The following LARGE1 variants were observed in gnomAD, a reference collection of about 807,000 sequenced individuals.
LARGE1 encodes the protein LARGE xylosyl- and glucuronyltransferase 1, also known as xylosyl- and glucuronyltransferase LARGE1.
LARGE1 carries 43 observed loss-of-function variants against 87.6 expected under a neutral mutation model. The observed-to-expected ratio is 0.49, with a 90% CI of 0.38 to 0.63. The LOEUF is 0.63. Among genes scored for constraint, LARGE1 ranks in the 30% least tolerant of loss-of-function variants. The pLI is 0.00. For missense variants in LARGE1, 802 were observed against 1,000.2 expected, an observed-to-expected ratio of 0.80 and a Z score of 2.67; for synonymous variants, 434 against 394.6, an observed-to-expected ratio of 1.10 and a Z score of -1.18.
At chr22:33,848,931 T>G (rs1029383926) in intron 1 of LARGE1, among the ~76,000 whole-genome samples, 3 of 151,870 alleles carry the variant, frequency 2.0e-5, no homozygotes, top group African/African-American at 7.3e-5. Flanking sequence ...GGCAAATTCT[T>G]TCTCCTCCAC....
intron 2 of LARGE1, among the ~76,000 whole-genome samples, chr22:33,720,180 G>T (rs539129383): frequency 6.6e-6 from 1 of 152,148 alleles, no homozygotes; most frequent in African/African-American, 2.4e-5. Context: ...CCTGCAATTA[G>T]ACAGTCCCAT....
At chr22:33,151,384 G>C in the LARGE1 span, among the ~76,000 whole-genome samples, 17 of 152,170 alleles carry the variant, frequency 1.1e-4, no homozygotes, top group African/African-American at 3.6e-4. Flanking sequence ...AGACAATTAT[G>C]CCATCTGCAA....
intron 6 of LARGE1, among the ~76,000 whole-genome samples, chr22:33,533,912 C>T (rs79325679): frequency 0.032 from 4,854 of 150,942 alleles, 146 homozygotes; most frequent in African/African-American, 0.076. Flanking sequence ...GGACGTTTTC[C>T]GCTCTTCTCT....
chr22:33,200,556 A>G lies in LARGE1; in HGVS notation c.1731-33724T>C, dbSNP rs181022334. ...CTTCTCAGAATTTATTCATAACAGC[A>G]TTATTCATGTTAGTCAAAAAGGAGA... is the stretch of plus-strand genomic sequence containing the variant. On this transcript the variant is annotated intron_variant, in intron 11 of 11. Transcript: ENST00000608642. Among the ~76,000 whole-genome samples the G allele has an allele frequency of 4.3e-4, 65 of 152,148 alleles. 1 individual carries two copies. Among genetic ancestry groups the G allele is most frequent in the Middle Eastern group, 6.8e-3 (2 of 294 alleles).
At chr22:33,675,726 T>C (rs2081559570) in intron 2 of LARGE1, among the ~76,000 whole-genome samples, 2 of 152,120 alleles carry the variant, frequency 1.3e-5, no homozygotes, top group African/African-American at 4.8e-5. Context: ...TAAATAACTC[T>C]CCAATAACCA....
intron 2 of LARGE1, among the ~76,000 whole-genome samples, chr22:33,718,816 C>T (rs962934458): frequency 2.6e-5 from 4 of 152,152 alleles, no homozygotes; most frequent in African/African-American, 7.2e-5. Context: ...CTCGCTCTGT[C>T]GCCCAGGCTG....
chr22:33,566,753 C>T (rs1351773495), intron 5 of LARGE1, among the ~76,000 whole-genome samples: 1 of 152,156 alleles, frequency 6.6e-6, no homozygotes, highest in Non-Finnish European at 1.5e-5. Flanking sequence ...TTACAGAGTG[C>T]TGATTGGTCC....
intron 9 of LARGE1, among the ~76,000 whole-genome samples, chr22:33,369,219 C>T (rs910061165): frequency 6.6e-6 from 1 of 152,148 alleles, no homozygotes; most frequent in African/African-American, 2.4e-5. Flanking sequence ...ATGAACATTA[C>T]CAAAATGTCA....
intron 1 of LARGE1, among the ~76,000 whole-genome samples, chr22:33,912,469 C>G (rs1283657569): frequency 6.6e-6 from 1 of 152,170 alleles, no homozygotes; most frequent in Non-Finnish European, 1.5e-5. Context: ...ATCGGCAAGT[C>G]CTTTCTTCCC....
intron 3 of LARGE1, among the ~76,000 whole-genome samples, chr22:33,643,084 C>T (rs1227692554): frequency 6.6e-6 from 1 of 152,152 alleles, no homozygotes; most frequent in Non-Finnish European, 1.5e-5. Flanking sequence ...CCCAAATCAA[C>T]AGAATATACA....
intron 1 of LARGE1, among the ~76,000 whole-genome samples, chr22:33,776,476 G>T (rs1232481376): frequency 2.0e-5 from 3 of 152,164 alleles, no homozygotes; most frequent in African/African-American, 7.2e-5. Flanking sequence ...TCTTCCCAAG[G>T]TCAGACTACA....
At chr22:33,127,266 G>A in the LARGE1 span, among the ~76,000 whole-genome samples, 34 of 152,240 alleles carry the variant, frequency 2.2e-4, no homozygotes, top group East Asian at 1.5e-3. Context: ...CCAGGTGTCC[G>A]TGAGACAATG....
chr22:33,290,611 A>T (rs1271410563), intron 12 of LARGE1, among the ~76,000 whole-genome samples: 2 of 152,100 alleles, frequency 1.3e-5, no homozygotes, highest in Non-Finnish European at 2.9e-5. Context: ...GGTGGCTGAG[A>T]AGTCAAATGA....
chr22:33,482,144 G>A (rs1237281033), intron 6 of LARGE1, among the ~76,000 whole-genome samples: 1 of 152,130 alleles, frequency 6.6e-6, no homozygotes, highest in African/African-American at 2.4e-5. Flanking sequence ...TTTGAATCAG[G>A]AATTAGGTAG....
At chr22:33,553,631 C>T (rs906878352) in intron 6 of LARGE1, among the ~76,000 whole-genome samples, 5 of 152,172 alleles carry the variant, frequency 3.3e-5, no homozygotes, top group Admixed American at 6.5e-5. Context: ...TATCATGTCA[C>T]GTTACCCTCA....
chr22:33,209,329 A>T (rs1291565901), intron 11 of LARGE1, among the ~76,000 whole-genome samples: 1 of 152,192 alleles, frequency 6.6e-6, no homozygotes, highest in Non-Finnish European at 1.5e-5. Context: ...AGCAGATGCG[A>T]TCTATGGTAA....
intron 11 of LARGE1, among the ~76,000 whole-genome samples, chr22:33,197,101 T>C (rs754401093): frequency 7.9e-5 from 12 of 151,984 alleles, no homozygotes; most frequent in Non-Finnish European, 4.4e-5. Flanking sequence ...AAAATGCAAA[T>C]ACACTTTCAT....
intron 11 of LARGE1, among the ~76,000 whole-genome samples, chr22:33,189,661 T>C (rs1423521448): frequency 6.6e-6 from 1 of 151,868 alleles, no homozygotes; most frequent in Admixed American, 6.6e-5. Context: ...CATATGGAGG[T>C]TGTAAGGATG....
At chr22:33,676,004 C>CTT (rs67419753) in intron 2 of LARGE1, among the ~76,000 whole-genome samples, 66 of 148,718 alleles carry the variant, frequency 4.4e-4, no homozygotes, top group Middle Eastern at 3.4e-3. Flanking sequence ...TGGAGGTTTT[C>CTT]TTTTTTTTTT....
Sources: allele counts gnomAD v4.1 joint callset (sites outside exome capture counted in the v4.1 genomes callset), GRCh38; gene constraint gnomAD v4.1.1; transcripts MANE v1.5; gene names NCBI Gene and HGNC (gene_info 2026-07-23, HGNC 2026-07-21).